Variants in BTBD16 observed in about 807,000 individuals in gnomAD.
BTBD16 encodes the protein BTB domain containing 16, also known as BTB/POZ domain-containing protein 16.
BTBD16 carries 66 observed loss-of-function variants against 67.4 expected under a neutral mutation model. The ratio of observed to expected loss-of-function variants is 0.98; its 90% confidence interval spans 0.80 to 1.20. The LOEUF is 1.20. Among genes scored for constraint, BTBD16 ranks in the 50% most tolerant of loss-of-function variants. BTBD16 has a pLI of 0.00. For missense variants in BTBD16, 634 were observed against 616.0 expected, an observed-to-expected ratio of 1.03 and a Z score of -0.31; for synonymous variants, 242 against 236.4, an observed-to-expected ratio of 1.02 and a Z score of -0.22.
At chr10:122,303,964 T>C (rs1029924403) in intron 9 of BTBD16, among the ~76,000 whole-genome samples, 4 of 152,230 alleles carry the variant, frequency 2.6e-5, no homozygotes, top group African/African-American at 4.8e-5. Flanking sequence ...ACCAGGATTC[T>C]GATTCGTGGA....
intron 10 of BTBD16, among the ~76,000 whole-genome samples, chr10:122,323,187 C>A (rs936717608): frequency 5.9e-5 from 9 of 152,130 alleles, no homozygotes; most frequent in Admixed American, 5.9e-4. Flanking sequence ...GACTTTCTGG[C>A]CAGTTGTTTA....
At chr10:122,283,657 G>A (rs1590051700) in intron 3 of BTBD16, among the ~76,000 whole-genome samples, 194 bp from the exon 4 acceptor site, 1 of 152,158 alleles carries the variant, frequency 6.6e-6, no homozygotes, top group African/African-American at 2.4e-5. Flanking sequence ...ATCACATTAT[G>A]AGCCAGCTAT....
At chr10:122,285,641 A>C (rs2096362159) in intron 4 of BTBD16, among the ~76,000 whole-genome samples, 1 of 152,076 alleles carries the variant, frequency 6.6e-6, no homozygotes, top group African/African-American at 2.4e-5. Flanking sequence ...CAGGGCTGCT[A>C]CTGGGGATCC....
intron 10 of BTBD16, among the ~76,000 whole-genome samples, chr10:122,316,293 A>G (rs2096424262): frequency 6.6e-6 from 1 of 152,074 alleles, no homozygotes. Context: ...AAAACAAAAC[A>G]AAAATCCACT....
At chr10:122,309,595 G>A (rs570805206) in intron 10 of BTBD16, among the ~76,000 whole-genome samples, 182 of 151,924 alleles carry the variant, frequency 1.2e-3, no homozygotes, top group African/African-American at 4.1e-3. Flanking sequence ...CACCCGCCTC[G>A]GCCTCCCAAA....
intron 10 of BTBD16, among the ~76,000 whole-genome samples, chr10:122,312,274 G>C (rs2096415047): frequency 1.3e-5 from 2 of 150,702 alleles, no homozygotes; most frequent in Non-Finnish European, 3.0e-5. Flanking sequence ...GCCAACACTA[G>C]GTATCTTCAG....
At chr10:122,298,956 G>A (rs1222724938) in intron 8 of BTBD16, 48 bp from the exon 9 acceptor site, 7 of 1,604,124 alleles carry the variant, frequency 4.4e-6, no homozygotes, top group Non-Finnish European at 5.1e-6. Context: ...AGCAGAGGGT[G>A]CCAAGAGCTC....
chr10:122,275,327 G>A (rs1213885479), intron 2 of BTBD16, among the ~76,000 whole-genome samples: 1 of 152,058 alleles, frequency 6.6e-6, no homozygotes, highest in Non-Finnish European at 1.5e-5. Flanking sequence ...CGTGACAGCC[G>A]GACTACATCT....
At chr10:122,298,860 C>A in intron 8 of BTBD16, 144 bp from the exon 9 acceptor site, 1 of 1,017,668 alleles carries the variant, frequency 9.8e-7, no homozygotes, top group Non-Finnish European at 1.4e-6. Flanking sequence ...AAGGTATCTG[C>A]TGTAATTCAT....
chr10:122,297,449 G>A (rs773260505), intron 7 of BTBD16, among the ~76,000 whole-genome samples: 4 of 152,206 alleles, frequency 2.6e-5, no homozygotes, highest in Non-Finnish European at 5.9e-5. Context: ...TGACCAGATG[G>A]CTATGTTGGC....
At chr10:122,303,630 T>A in intron 9 of BTBD16, 1 of 790,346 alleles carries the variant, frequency 1.3e-6, no homozygotes, top group Non-Finnish European at 1.5e-6. Flanking sequence ...AGAGGACTTT[T>A]ATTGTTTATA....
intron 3 of BTBD16, among the ~76,000 whole-genome samples, chr10:122,283,433 G>T (rs1741750409): frequency 6.6e-6 from 1 of 152,200 alleles, no homozygotes. Context: ...GACACACTGA[G>T]AATGGGACCT....
chr10:122,320,530 A>T (rs1047634540), intron 10 of BTBD16, among the ~76,000 whole-genome samples: 6 of 151,942 alleles, frequency 3.9e-5, no homozygotes, highest in Non-Finnish European at 8.8e-5. Context: ...CCCTCTAATT[A>T]TTGCTTTAGC....
intron 13 of BTBD16, 34 bp downstream of exon 13, chr10:122,332,547 C>T: frequency 1.3e-6 from 2 of 1,590,624 alleles, no homozygotes; most frequent in Non-Finnish European, 8.6e-7. Flanking sequence ...AGGGGAAGAA[C>T]TGTTCCTCTC....
chr10:122,297,916 C>G, intron 8 of BTBD16, 79 bp downstream of exon 8: 1 of 1,255,522 alleles, frequency 8.0e-7, no homozygotes, highest in Non-Finnish European at 1.2e-6. Context: ...TTTTACCCAC[C>G]AGGCCTACTT....
intron 9 of BTBD16, 43 bp downstream of exon 9, chr10:122,299,177 G>A (rs1424452139): frequency 1.9e-6 from 3 of 1,605,000 alleles, no homozygotes; most frequent in Middle Eastern, 2.0e-4. Context: ...GAGGGGGATG[G>A]GAGAAAGTAG....
At position 122,328,617 on chromosome 10, in the gene BTBD16, C is replaced by T. The variant is rs570841229; in HGVS notation, c.912-863C>T. 1.9e-5 allele frequency: 6 copies of T among 318,074 alleles called. No homozygotes were observed. In the South Asian group the frequency reaches 3.7e-4, roughly 20 times the overall value. 19.7% of individuals were successfully genotyped at this position (318,074 alleles called of 1,614,324 possible). ...TGACTTGGACACCACTCTTGATTTA[C>T]GGAAAAATAATCTACAAGTACCCTG... On this transcript the variant is annotated intron_variant, in intron 10 of 15. Coordinates refer to ENST00000260723, the MANE Select transcript of BTBD16 (RefSeq NM_144587.5).
chr10:122,296,542 C>T (rs983813685), intron 7 of BTBD16, among the ~76,000 whole-genome samples: 1 of 152,164 alleles, frequency 6.6e-6, no homozygotes, highest in Non-Finnish European at 1.5e-5. Flanking sequence ...TGGCTACTCT[C>T]GGGTGCCCTG....
chr10:122,307,496 A>T (rs935947738), intron 10 of BTBD16, among the ~76,000 whole-genome samples, 188 bp downstream of exon 10: 5 of 152,144 alleles, frequency 3.3e-5, no homozygotes, highest in African/African-American at 1.2e-4. Flanking sequence ...GGAAAAGTAA[A>T]CAACATGTAG....
Sources: allele counts gnomAD v4.1 joint callset (sites outside exome capture counted in the v4.1 genomes callset), GRCh38; gene constraint gnomAD v4.1.1; transcripts MANE v1.5; gene names NCBI Gene and HGNC (gene_info 2026-07-23, HGNC 2026-07-21).